Variants in MALRD1 observed in about 807,000 individuals in gnomAD.
The protein encoded by MALRD1 is MAM and LDL receptor class A domain containing 1.
A neutral mutation model predicts 242.1 loss-of-function variants in MALRD1; 247 were observed. That is an observed-to-expected ratio of 1.02 (90% confidence interval 0.92 to 1.13). The LOEUF (loss-of-function observed/expected upper bound fraction) is 1.13, where lower values mean the gene tolerates loss of function less well. Ranked by LOEUF, MALRD1 falls within the 50% of genes most tolerant of loss-of-function variation. The pLI, the probability that MALRD1 is intolerant of heterozygous loss-of-function variation, is 0.00. For missense variants in MALRD1, 2,989 were observed against 2,533.1 expected (o/e 1.18, Z -3.86); for synonymous variants, 995 against 866.6 (o/e 1.15, Z -2.60).
chr10:19,535,126 C>T lies in MALRD1; in HGVS notation c.5478+3775C>T, dbSNP rs148397365. 4.8e-4 allele frequency among the ~76,000 whole-genome samples: 73 copies of T among 152,210 alleles called. 1 individual carries two copies. In the East Asian group the frequency reaches 0.01, roughly 22 times the overall value. On this transcript the variant is annotated intron_variant, in intron 32 of 39. Transcript: ENST00000454679. ...GTCTTAATCTCCTGACCTAGTGATTCGCCCACCTAGGCCTCCCAAAGTGCT... is the reference window on the plus strand; with the variant it reads ...GTCTTAATCTCCTGACCTAGTGATTTGCCCACCTAGGCCTCCCAAAGTGCT...
intron 28 of MALRD1, among the ~76,000 whole-genome samples, chr10:19,399,013 A>G (rs901420398): frequency 6.6e-6 from 1 of 152,222 alleles, no homozygotes; most frequent in Non-Finnish European, 1.5e-5. Flanking sequence ...TTTGTCACCC[A>G]GACTCAAGAG....
chr10:19,275,485 A>T (rs532603610), intron 19 of MALRD1, among the ~76,000 whole-genome samples: 2 of 151,968 alleles, frequency 1.3e-5, no homozygotes, highest in Non-Finnish European at 2.9e-5. Context: ...TGGTTAACAC[A>T]GTGAAACCCC....
At chr10:19,055,835 T>C (rs978203939) in intron 1 of MALRD1, among the ~76,000 whole-genome samples, 3 of 152,098 alleles carry the variant, frequency 2.0e-5, no homozygotes, top group Admixed American at 2.0e-4. Flanking sequence ...CAACAGACAC[T>C]GGGGACTACT....
Position 19,218,191 on chromosome 10 carries a change from T to C in MALRD1, c.2991+8511T>C, listed in dbSNP as rs996860396. ...CAGTTTCAATAAATGATCAATTTATTAATTTTCTCTGTTTTGGCTTATTGT... is the reference window on the plus strand; with the variant it reads ...CAGTTTCAATAAATGATCAATTTATCAATTTTCTCTGTTTTGGCTTATTGT... On this transcript the variant is annotated intron_variant, in intron 18 of 39. Coordinates refer to ENST00000454679, the MANE Select transcript of MALRD1 (RefSeq NM_001142308.3). Among the ~76,000 whole-genome samples, 4 of 152,320 alleles carry C rather than the reference T, an allele frequency of 2.6e-5. No homozygotes were observed. In the East Asian group the frequency reaches 7.7e-4, roughly 29 times the overall value.
At chr10:19,625,754 GT>G (rs1448310485) in intron 36 of MALRD1, among the ~76,000 whole-genome samples, 1 of 152,096 alleles carries the variant, frequency 6.6e-6, no homozygotes, top group South Asian at 2.1e-4. Context: ...ACTGAAGAAT[GT>G]TTTTTAAAAA....
intron 38 of MALRD1, among the ~76,000 whole-genome samples, chr10:19,692,861 A>G (rs1479445310): frequency 2.4e-5 from 2 of 82,020 alleles, no homozygotes; most frequent in Non-Finnish European, 4.7e-5. Context: ...TTATATATAG[A>G]TGAAATTATA....
At chr10:19,517,868 T>C (rs1564407497) in intron 31 of MALRD1, among the ~76,000 whole-genome samples, 1 of 152,228 alleles carries the variant, frequency 6.6e-6, no homozygotes. Flanking sequence ...CTGAGGGTCA[T>C]GGGAGGTTTC....
At chr10:19,191,482 A>G (rs1467060686) in intron 14 of MALRD1, among the ~76,000 whole-genome samples, 1 of 152,192 alleles carries the variant, frequency 6.6e-6, no homozygotes, top group African/African-American at 2.4e-5. Context: ...CGGCAATTCC[A>G]GTTTTGGGTA....
intron 36 of MALRD1, among the ~76,000 whole-genome samples, chr10:19,657,867 G>A (rs1841237566): frequency 6.6e-6 from 1 of 152,046 alleles, no homozygotes; most frequent in African/African-American, 2.4e-5. Flanking sequence ...ACTAATTTTG[G>A]CCAGGTACAA....
At chr10:19,345,281 C>G (rs539964971) in intron 24 of MALRD1, among the ~76,000 whole-genome samples, 1 of 152,128 alleles carries the variant, frequency 6.6e-6, no homozygotes, top group African/African-American at 2.4e-5. Flanking sequence ...TGTTTTTCAG[C>G]AGCACACATT....
intron 36 of MALRD1, among the ~76,000 whole-genome samples, chr10:19,641,560 AGTTCTTCTTT>A (rs1369849071): frequency 6.6e-6 from 1 of 152,144 alleles, no homozygotes; most frequent in Non-Finnish European, 1.5e-5. Context: ...GTTAGACTCT[AGTTCTTCTTT>A]GCATATCATG....
intron 26 of MALRD1, among the ~76,000 whole-genome samples, chr10:19,376,590 C>A (rs1260612599): frequency 7.7e-6 from 1 of 130,030 alleles, no homozygotes; most frequent in Non-Finnish European, 1.6e-5. Flanking sequence ...AGCCTTGCTC[C>A]TATTGCCCAG....
chr10:19,688,431 T>G (rs1483527956), intron 36 of MALRD1, among the ~76,000 whole-genome samples: 1 of 152,038 alleles, frequency 6.6e-6, no homozygotes, highest in African/African-American at 2.4e-5. Flanking sequence ...CATGGCTAAT[T>G]TTTAGAATTT....
At position 19,710,126 on chromosome 10, in the gene MALRD1, C is replaced by T. The variant is rs570949503; in HGVS notation, c.6314+17572C>T. Among the ~76,000 whole-genome samples, 5 of 152,194 alleles carry T rather than the reference C, an allele frequency of 3.3e-5. No homozygotes were observed. In the East Asian group the frequency reaches 9.7e-4, roughly 30 times the overall value. On this transcript the variant is annotated intron_variant, in intron 38 of 39. Transcript: ENST00000454679. ...AATAACCAAACCAAACCAAACAAAACAAGCAGAGGGACTGTGCTCAGTCAT... is the reference window on the plus strand; with the variant it reads ...AATAACCAAACCAAACCAAACAAAATAAGCAGAGGGACTGTGCTCAGTCAT...
intron 34 of MALRD1, among the ~76,000 whole-genome samples, chr10:19,596,893 G>T (rs534809636): frequency 6.6e-6 from 1 of 151,576 alleles, no homozygotes; most frequent in Non-Finnish European, 1.5e-5. Flanking sequence ...AGGAAGGAAG[G>T]AAAGATGGAA....
chr10:19,545,463 A>G (rs1015056622), intron 32 of MALRD1, among the ~76,000 whole-genome samples: 3 of 152,188 alleles, frequency 2.0e-5, no homozygotes, highest in Non-Finnish European at 4.4e-5. Flanking sequence ...ATAGATTTCT[A>G]GGTTGAAAAT....
intron 36 of MALRD1, among the ~76,000 whole-genome samples, chr10:19,661,335 C>A (rs577829432): frequency 6.6e-6 from 1 of 152,194 alleles, no homozygotes; most frequent in South Asian, 2.1e-4. Context: ...CACATGCACA[C>A]GTATGTTTAT....
chr10:19,225,774 T>C (rs570419696), intron 18 of MALRD1, among the ~76,000 whole-genome samples: 1 of 152,216 alleles, frequency 6.6e-6, no homozygotes, highest in South Asian at 2.1e-4. Context: ...GAAAAGACTT[T>C]ACTTTTTATT....
chr10:19,148,788 A>AAATATATATATATATATAT (rs1206724666), intron 11 of MALRD1, among the ~76,000 whole-genome samples: 1 of 88,016 alleles, frequency 1.1e-5, no homozygotes, highest in African/African-American at 4.1e-5. Flanking sequence ...AAAAAAAAAA[A>AAATATATATATATATATAT]ATATATATAT....
Sources: allele counts gnomAD v4.1 joint callset (sites outside exome capture counted in the v4.1 genomes callset), GRCh38; gene constraint gnomAD v4.1.1; transcripts MANE v1.5; gene names NCBI Gene and HGNC (gene_info 2026-07-23, HGNC 2026-07-21).